Variants in MARCHF2 observed in about 807,000 individuals in gnomAD.
MARCHF2 encodes the protein membrane associated ring-CH-type finger 2, also known as E3 ubiquitin-protein ligase MARCHF2.
Under a neutral mutation model 24.0 loss-of-function variants are expected in MARCHF2, and 22 were observed. That is an observed-to-expected ratio of 0.92 (90% CI 0.66 to 1.31). MARCHF2 has a LOEUF of 1.31. Ranked by LOEUF, MARCHF2 falls within the 50% of genes most tolerant of loss-of-function variation. MARCHF2 has a pLI of 0.00. For synonymous variants in MARCHF2, 154 were observed against 153.0 expected, an observed-to-expected ratio of 1.01 and a Z score of -0.05; for missense variants, 301 against 335.3, an observed-to-expected ratio of 0.90 and a Z score of 0.80.
intron 3 of MARCHF2, among the ~76,000 whole-genome samples, chr19:8,429,242 C>T (rs1457584539): frequency 3.3e-5 from 5 of 152,066 alleles, no homozygotes; most frequent in East Asian, 2.0e-4. Context: ...CCCATGTGAC[C>T]GTTCACCCAT....
chr19:8,423,999 AAAAAG>A lies in MARCHF2; in HGVS notation c.176+1987_176+1991del, dbSNP rs1246648273. Among the ~76,000 whole-genome samples, 3 of 151,306 alleles carry A rather than the reference AAAAAG, an allele frequency of 2.0e-5. No individual in the cohort carries two copies. The South Asian group carries it at 6.3e-4, about 32-fold the overall frequency. ...CCTGGGTGACTCAAAAAAAAAAAAA[AAAAAG>A]AAAGAAAAAAAAATACAGTCTCTCT... On this transcript the variant is annotated intron_variant, in intron 2 of 4. Transcript: ENST00000215555.
intron 3 of MARCHF2, among the ~76,000 whole-genome samples, chr19:8,427,510 G>A (rs1030380671): frequency 2.9e-5 from 4 of 140,020 alleles, no homozygotes; most frequent in Non-Finnish European, 4.7e-5. Context: ...CTTCTGATAT[G>A]AGGTTACAGA....
rs957581477 is a variant in MARCHF2 at position 8,431,036 on chromosome 19, G to A, written c.582+169G>A. 11 of 662,218 alleles carry A rather than the reference G, an allele frequency of 1.7e-5. No homozygotes were observed. In the African/African-American group the frequency reaches 2.0e-4, roughly 12 times the overall value. The allele number at this position is 662,218 out of a possible 1,614,324, so 41.0% of individuals were successfully genotyped here. A position where few individuals can be genotyped will look rare whatever the true frequency, so the allele number is the denominator to read the frequency against. ...TCACCCTGCCTCTCCAGGAGCTTGA[G>A]ATTCCAAATGTGACAAAGGTCTAGG... On this transcript the variant is annotated intron_variant, in intron 4 of 4. Transcript: ENST00000215555.
intron 3 of MARCHF2, among the ~76,000 whole-genome samples, chr19:8,429,968 G>A (rs1967534046): frequency 6.6e-6 from 1 of 152,028 alleles, no homozygotes. Context: ...TTGCTCACTT[G>A]AGTTAATTCC....
At chr19:8,419,876 T>A (rs962253402) in intron 1 of MARCHF2, among the ~76,000 whole-genome samples, 1 of 147,290 alleles carries the variant, frequency 6.8e-6, no homozygotes, top group Non-Finnish European at 1.5e-5. Context: ...ATAAAAATAA[T>A]TGCCGGGCGC....
At chr19:8,418,379 G>A (rs2145535879) in intron 1 of MARCHF2, 1 of 152,338 alleles carries the variant, frequency 6.6e-6, no homozygotes, top group East Asian at 1.9e-4. Context: ...AGGCCAGGAA[G>A]GCTGCTGGCT....
intron 4 of MARCHF2, among the ~76,000 whole-genome samples, chr19:8,433,888 A>G (rs1355571100): frequency 6.9e-6 from 1 of 143,956 alleles, no homozygotes; most frequent in African/African-American, 2.9e-5. Flanking sequence ...AAAAAAAAGA[A>G]AAAAAGCCTG....
Position 8,430,918 on chromosome 19 carries a change from C to A in MARCHF2, c.582+51C>A. 6.6e-7 allele frequency: 1 copy of A among 1,510,358 alleles called. No homozygotes were observed. Among genetic ancestry groups the A allele is most frequent in the Non-Finnish European group, 8.9e-7 (1 of 1,124,966 alleles). 93.6% of individuals were successfully genotyped at this position (1,510,358 alleles called of 1,614,324 possible). ...GCGTCTCGAGCTCTGCCGCTGGGAG[C>A]AGCAGGGCCAAGGATTTGGCCCCTG... is the stretch of plus-strand genomic sequence containing the variant. On this transcript the variant is annotated intron_variant, in intron 4 of 4. Coordinates refer to ENST00000215555, the MANE Select transcript of MARCHF2 (RefSeq NM_001005415.2). The surrounding 1 kb of genome is among the most constrained non-coding windows in gnomAD (Gnocchi z 4.4).
chr19:8,426,489 T>G, intron 2 of MARCHF2, 120 bp from the exon 3 acceptor site: 2 of 729,308 alleles, frequency 2.7e-6, no homozygotes, highest in Non-Finnish European at 4.6e-6. Context: ...CATTGAAGGA[T>G]GAGTAGGAGT....
intron 2 of MARCHF2, among the ~76,000 whole-genome samples, chr19:8,426,196 A>G (rs1007350796): frequency 4.4e-5 from 6 of 137,172 alleles, no homozygotes; most frequent in African/African-American, 1.6e-4. Flanking sequence ...GCACCACTGC[A>G]CTCCAGCCTG....
chr19:8,415,721 C>CAA (rs1309501077), intron 1 of MARCHF2, among the ~76,000 whole-genome samples: 669 of 17,640 alleles, frequency 0.038, 63 homozygotes, highest in East Asian at 0.38. Flanking sequence ...AACTCCATCT[C>CAA]AAAAAAAAAA....
intron 1 of MARCHF2, chr19:8,418,747 C>T (rs371746100): frequency 6.6e-6 from 1 of 151,922 alleles, no homozygotes; most frequent in Non-Finnish European, 1.5e-5. Flanking sequence ...CCTAGCTCGT[C>T]TCAAACTCCT....
chr19:8,428,860 G>A (rs184812404), intron 3 of MARCHF2, among the ~76,000 whole-genome samples: 23 of 151,356 alleles, frequency 1.5e-4, no homozygotes, highest in Admixed American at 3.3e-4. Flanking sequence ...GCTTGAACCC[G>A]GAAGGCGGAG....
At position 8,426,793 on chromosome 19, in the gene MARCHF2, C is replaced by A. The variant is rs1025629321; in HGVS notation, c.361C>A (p.Pro121Thr). 1 of 1,612,052 alleles carries A rather than the reference C, an allele frequency of 6.2e-7. No individual in the cohort carries two copies. Among genetic ancestry groups the A allele is most frequent in the Non-Finnish European group, 8.5e-7 (1 of 1,179,922 alleles). ...TEFAVEKRPR[P>T]LTEWLKDPGP... ...GTTTGCAGTGGAGAAACGGCCTCGA[C>A]CCCTCACAGAGGTACCCTTAAGAGT... is the stretch of plus-strand genomic sequence containing the variant. Residue 121 changes from proline (P) to threonine (T), a missense_variant, in exon 3 of 5, where the codon CCC (proline) becomes ACC (threonine). By Grantham distance (38) the Pro-to-Thr change is conservative. Transcript: ENST00000215555.
chr19:8,421,865 C>A lies in MARCHF2; in HGVS notation c.25C>A (p.Leu9Ile), dbSNP rs1475360173. The change falls in exon 2 of 5, where the codon CTC (leucine) becomes ATC (isoleucine). Residue 9 changes from leucine to isoleucine, a missense_variant. Transcript: ENST00000215555. MTTGDCCH[L>I]PGSLCDCSGS... ...CATGACGACGGGTGACTGCTGCCAC[C>A]TCCCCGGCTCCCTGTGTGACTGCTC... is the stretch of plus-strand genomic sequence containing the variant. 6.2e-7 allele frequency: 1 copy of A among 1,611,722 alleles called. No individual in the cohort carries two copies. Among genetic ancestry groups the A allele is most frequent in the Middle Eastern group, 1.7e-4 (1 of 6,012 alleles).
chr19:8,438,598 AC>A lies in MARCHF2; in HGVS notation c.*55del. On this transcript the variant is annotated 3_prime_UTR_variant, in exon 5 of 5. Coordinates refer to ENST00000215555, the MANE Select transcript of MARCHF2 (RefSeq NM_001005415.2). ...AGAGAGGCCAGAGGTAGCTGGTGAT[AC>A]CCTGTCCTGTGGAAGGACTTCCACT... 1 of 1,579,394 alleles carries A rather than the reference AC, an allele frequency of 6.3e-7. No homozygotes were observed. Among genetic ancestry groups the A allele is most frequent in the Non-Finnish European group, 8.6e-7 (1 of 1,159,138 alleles).
chr19:8,435,455 A>T (rs539059672), intron 4 of MARCHF2, among the ~76,000 whole-genome samples: 105 of 152,138 alleles, frequency 6.9e-4, no homozygotes, highest in African/African-American at 2.4e-3. Context: ...CACTATTAAC[A>T]TCGTTTACCC....
At chr19:8,419,263 A>G (rs1010285492) in intron 1 of MARCHF2, among the ~76,000 whole-genome samples, 2 of 151,976 alleles carry the variant, frequency 1.3e-5, no homozygotes, top group Admixed American at 6.6e-5. Flanking sequence ...TGGGAGGCCA[A>G]GGCAGGAGGA....
rs1309501077 is a variant in MARCHF2, at chr19:8,415,721, C to CAAAAAAAAAAAAAAAAAAAAAAA, written c.-53+2314_-53+2315insAAAAAAAAAAAAAAAAAAAAAAA. Among the ~76,000 whole-genome samples the CAAAAAAAAAAAAAAAAAAAAAAA allele has an allele frequency of 1.7e-4, 3 of 17,846 alleles. 1 individual carries two copies. The highest frequency in any genetic ancestry group is 1.7e-3 in the East Asian group (1 of 580). The allele number at this position is 17,846 out of a possible 152,430, so 11.7% of individuals were successfully genotyped here. A position where few individuals can be genotyped will look rare whatever the true frequency, so the allele number is the denominator to read the frequency against. On this transcript the variant is annotated intron_variant, in intron 1 of 4. Transcript: ENST00000215555. The stretch of plus-strand genomic sequence containing the variant: ...GGGCAACAAGAGTGAAACTCCATCT[C>CAAAAAAAAAAAAAAAAAAAAAAA]AAAAAAAAAAAAACAAAAAAAACAA...
Sources: allele counts gnomAD v4.1 joint callset (sites outside exome capture counted in the v4.1 genomes callset), GRCh38; gene constraint gnomAD v4.1.1; non-coding constraint Gnocchi (gnomAD v3.1); transcripts MANE v1.5; gene names NCBI Gene and HGNC (gene_info 2026-07-23, HGNC 2026-07-21).